Variants in SPATA17 observed in about 807,000 individuals in gnomAD.
The protein encoded by SPATA17 is spermatogenesis associated 17, also known as spermatogenesis-associated protein 17.
In SPATA17, 53 loss-of-function variants were observed where a neutral mutation model predicts 62.2. The observed-to-expected ratio is 0.85, with a 90% CI of 0.68 to 1.07. The LOEUF is 1.07. Among genes scored for constraint, SPATA17 ranks in the 50% least tolerant of loss-of-function variants. The probability of loss-of-function intolerance (pLI) is 0.00; values close to 1 mark genes in which losing one functional copy is unlikely to be tolerated. For missense variants in SPATA17, 466 were observed against 425.5 expected (o/e 1.10, Z -0.84); for synonymous variants, 146 against 146.8 (o/e 0.99, Z 0.04).
At chr1:217,833,410 C>T (rs1463816759) in intron 9 of SPATA17, among the ~76,000 whole-genome samples, 1 of 152,096 alleles carries the variant, frequency 6.6e-6, no homozygotes, top group African/African-American at 2.4e-5. Flanking sequence ...GGAGGGATAG[C>T]GTTAATAAGA....
In SPATA17 at chr1:217,646,679, G is replaced by A. The variant is rs538310530; in HGVS notation, c.69-2203G>A. Among the ~76,000 whole-genome samples, 287 of 152,102 alleles carry A rather than the reference G, an allele frequency of 1.9e-3. 1 individual carries two copies. Among genetic ancestry groups the A allele is most frequent in the African/African-American group, 6.3e-3 (261 of 41,500 alleles). On this transcript the variant is annotated intron_variant, in intron 1 of 10. Coordinates refer to ENST00000366933, the MANE Select transcript of SPATA17 (RefSeq NM_138796.4). ...TGGGAGGCCGAGGTGGGTGGATCAC[G>A]AGATCAGGAGTTCAAGACCAGCCTG...
chr1:217,853,296 A>G (rs1198810726), intron 9 of SPATA17, among the ~76,000 whole-genome samples: 1 of 152,202 alleles, frequency 6.6e-6, no homozygotes, highest in Non-Finnish European at 1.5e-5. Flanking sequence ...TTACACTTAA[A>G]TGAAAATTAT....
chr1:217,757,865 T>C (rs1673085636), intron 6 of SPATA17, among the ~76,000 whole-genome samples: 1 of 152,170 alleles, frequency 6.6e-6, no homozygotes, highest in Non-Finnish European at 1.5e-5. Context: ...AAAATTAATG[T>C]AGGATCATGT....
At chr1:217,745,249 A>T (rs887964699) in intron 6 of SPATA17, among the ~76,000 whole-genome samples, 1 of 152,216 alleles carries the variant, frequency 6.6e-6, no homozygotes, top group African/African-American at 2.4e-5. Flanking sequence ...AAACTTCATC[A>T]TAGTGATCTT....
Position 217,718,484 on chromosome 1 carries a change from C to T in SPATA17, c.396-23491C>T, listed in dbSNP as rs74762308. ...CTAGTTATCCAGGTGGTTTAGGTAA[C>T]TTAAAGTCTTGTACTTGAACTTAGA... On this transcript the variant is annotated intron_variant, in intron 5 of 10. Transcript: ENST00000366933. 8.1e-3 allele frequency among the ~76,000 whole-genome samples: 1,239 copies of T among 152,268 alleles called. 10 individuals are homozygous for T. Among genetic ancestry groups the T allele is most frequent in the African/African-American group, 0.027 (1,112 of 41,552 alleles).
At chr1:217,678,078 C>T (rs186325253) in intron 4 of SPATA17, among the ~76,000 whole-genome samples, 100 of 151,844 alleles carry the variant, frequency 6.6e-4, no homozygotes, top group Admixed American at 1.1e-3. Flanking sequence ...GTTGATCATT[C>T]TAATAAAAGT....
At chr1:217,784,545 G>T (rs1314435981) in intron 8 of SPATA17, among the ~76,000 whole-genome samples, 3 of 151,996 alleles carry the variant, frequency 2.0e-5, no homozygotes, top group Non-Finnish European at 2.9e-5. Context: ...TAGTAATTTA[G>T]CCCACCTGAA....
At chr1:217,825,606 T>C (rs1415115350) in intron 9 of SPATA17, among the ~76,000 whole-genome samples, 2 of 151,952 alleles carry the variant, frequency 1.3e-5, no homozygotes, top group African/African-American at 4.8e-5. Context: ...AACATATACA[T>C]ATATGTTATG....
rs574439888 is a variant in SPATA17, at chr1:217,799,865, C to A, written c.873-1853C>A. On this transcript the variant is annotated intron_variant, in intron 8 of 10. Coordinates refer to ENST00000366933, the MANE Select transcript of SPATA17 (RefSeq NM_138796.4). ...TCAATAAATATATGTTGAACCTCAACTTTTTTTTTAAGTCTGAATTTCAGA... is the reference window on the plus strand; with the variant it reads ...TCAATAAATATATGTTGAACCTCAAATTTTTTTTTAAGTCTGAATTTCAGA... 2.0e-5 allele frequency among the ~76,000 whole-genome samples: 3 copies of A among 150,814 alleles called. No homozygotes were observed. In the South Asian group the frequency reaches 6.3e-4, roughly 31 times the overall value.
Position 217,798,954 on chromosome 1 carries a change from G to A in SPATA17, c.873-2764G>A, listed in dbSNP as rs113302726. Among the ~76,000 whole-genome samples, 878 of 150,116 alleles carry A rather than the reference G, an allele frequency of 5.8e-3. 6 individuals are homozygous for A. The highest frequency in any genetic ancestry group is 0.017 in the African/African-American group (696 of 40,808). Reference sequence around the variant, plus strand: ...GCAGTGGCTCGATCTGTAAGCATAAGCACAACTGAATATATATTAAAAACT... The same window carrying A: ...GCAGTGGCTCGATCTGTAAGCATAAACACAACTGAATATATATTAAAAACT... On this transcript the variant is annotated intron_variant, in intron 8 of 10. Coordinates refer to ENST00000366933, the MANE Select transcript of SPATA17 (RefSeq NM_138796.4).
At chr1:217,699,352 G>A (rs1366895221) in intron 5 of SPATA17, among the ~76,000 whole-genome samples, 1 of 152,088 alleles carries the variant, frequency 6.6e-6, no homozygotes, top group Non-Finnish European at 1.5e-5. Context: ...GTTTCTCTGT[G>A]TCTTCACCAG....
chr1:217,739,241 GAT>G (rs1223886818), intron 5 of SPATA17, among the ~76,000 whole-genome samples: 1 of 152,122 alleles, frequency 6.6e-6, no homozygotes, highest in African/African-American at 2.4e-5. Context: ...AGGATTATAA[GAT>G]AAAGGAAATA....
chr1:217,664,448 C>T (rs1314746070), intron 3 of SPATA17, among the ~76,000 whole-genome samples: 1 of 151,936 alleles, frequency 6.6e-6, no homozygotes, highest in Non-Finnish European at 1.5e-5. Flanking sequence ...CACCACCACA[C>T]CTGGCTAATT....
At position 217,637,313 on chromosome 1, in the gene SPATA17, G is replaced by A. The variant is rs1220784770; in HGVS notation, c.68+5867G>A. 1.3e-5 allele frequency among the ~76,000 whole-genome samples: 2 copies of A among 152,272 alleles called. 1 individual carries two copies. Reference sequence around the variant, plus strand: ...AAATATAAAGAAGATCAAAGATCTAGTGACGTTTGATCCGTTTCAGTCCAC... The same window carrying A: ...AAATATAAAGAAGATCAAAGATCTAATGACGTTTGATCCGTTTCAGTCCAC... On this transcript the variant is annotated intron_variant, in intron 1 of 10. Transcript: ENST00000366933.
intron 1 of SPATA17, among the ~76,000 whole-genome samples, chr1:217,634,378 G>T (rs1328797051): frequency 1.3e-5 from 2 of 152,162 alleles, no homozygotes; most frequent in African/African-American, 4.8e-5. Flanking sequence ...GGGCTGATTG[G>T]TTGGGTCAGA....
chr1:217,733,742 C>A (rs1672448270), intron 5 of SPATA17, among the ~76,000 whole-genome samples: 1 of 152,172 alleles, frequency 6.6e-6, no homozygotes, highest in Non-Finnish European at 1.5e-5. Flanking sequence ...TATACTGCAA[C>A]AAAAGATTTT....
At chr1:217,689,075 C>G (rs531569963) in intron 5 of SPATA17, among the ~76,000 whole-genome samples, 1 of 152,082 alleles carries the variant, frequency 6.6e-6, no homozygotes, top group African/African-American at 2.4e-5. Context: ...ACTTATTTAA[C>G]AACTACCATG....
intron 9 of SPATA17, among the ~76,000 whole-genome samples, chr1:217,854,738 C>T (rs2103013670): frequency 6.6e-6 from 1 of 152,258 alleles, no homozygotes; most frequent in Admixed American, 6.5e-5. Flanking sequence ...TGGGAGGACC[C>T]TGATGATGTC....
At chr1:217,656,712 G>C (rs1558554052) in intron 3 of SPATA17, among the ~76,000 whole-genome samples, 1 of 152,110 alleles carries the variant, frequency 6.6e-6, no homozygotes, top group Admixed American at 6.5e-5. Flanking sequence ...AGTGAAAGTG[G>C]AACATTGCAT....
Sources: allele counts gnomAD v4.1 joint callset (sites outside exome capture counted in the v4.1 genomes callset), GRCh38; gene constraint gnomAD v4.1.1; transcripts MANE v1.5; gene names NCBI Gene and HGNC (gene_info 2026-07-23, HGNC 2026-07-21).